Variants in DGKB observed in about 807,000 individuals in gnomAD.
The protein encoded by DGKB is diacylglycerol kinase beta, also known as 90 kDa diacylglycerol kinase.
Under a neutral mutation model 114.3 loss-of-function variants are expected in DGKB, and 67 were observed. The ratio of observed to expected loss-of-function variants is 0.59; its 90% confidence interval spans 0.48 to 0.72. The LOEUF (loss-of-function observed/expected upper bound fraction) is 0.72, where lower values mean the gene tolerates loss of function less well. DGKB is among the 30% of genes least tolerant of loss of function. The pLI is 0.00. For missense variants in DGKB, 907 were observed against 975.2 expected (o/e 0.93, Z 0.93); for synonymous variants, 398 against 323.1 (o/e 1.23, Z -2.49).
chr7:14,302,869 T>G lies in DGKB; in HGVS notation c.2122+35646A>C, dbSNP rs148177818. ...ATTTGCTGTAATGTAAGATCTATGATGGGAGGTATACTTTTGGTTTTTATT... is the reference window on the plus strand; with the variant it reads ...ATTTGCTGTAATGTAAGATCTATGAGGGGAGGTATACTTTTGGTTTTTATT... On this transcript the variant is annotated intron_variant, in intron 23 of 25. Transcript: ENST00000402815. Among the ~76,000 whole-genome samples the G allele has an allele frequency of 7.2e-5, 11 of 152,242 alleles. No individual in the cohort carries two copies. In the East Asian group the frequency reaches 1.9e-3, roughly 27 times the overall value.
chr7:14,412,877 A>G (rs1326911465), intron 21 of DGKB, among the ~76,000 whole-genome samples: 1 of 151,972 alleles, frequency 6.6e-6, no homozygotes, highest in Non-Finnish European at 1.5e-5. Context: ...GCTACTCAGG[A>G]GGCTGAGACA....
intron 21 of DGKB, among the ~76,000 whole-genome samples, chr7:14,354,917 G>A (rs976667454): frequency 6.6e-6 from 1 of 152,138 alleles, no homozygotes. Flanking sequence ...ATTCAATTAT[G>A]TTTCCCCATT....
chr7:14,571,590 G>A (rs1160314155), intron 20 of DGKB, among the ~76,000 whole-genome samples: 1 of 152,182 alleles, frequency 6.6e-6, no homozygotes, highest in Non-Finnish European at 1.5e-5. Flanking sequence ...GGATTTGCAA[G>A]GCTACACAAA....
In DGKB at chr7:14,760,251, T is replaced by C. The variant is rs766222686; in HGVS notation, c.71-2520A>G. Among the ~76,000 whole-genome samples the C allele has an allele frequency of 9.8e-5, 15 of 152,302 alleles. No individual in the cohort carries two copies. In the East Asian group the frequency reaches 1.2e-3, roughly 12 times the overall value. On this transcript the variant is annotated intron_variant, in intron 2 of 25. Transcript: ENST00000402815. ...TGATCAGAGTTAATTTTTTATGTCA[T>C]GTCCCTTGCTAGATTGGAGGTTGTT...
chr7:14,297,827 T>C lies in DGKB; in HGVS notation c.2122+40688A>G, dbSNP rs1802845024. Reference sequence around the variant, plus strand: ...AACCCCATCATCTCAGCCCCAAATCTCCTTAAGCTGAAAAACAACTTCAGC... The same window carrying C: ...AACCCCATCATCTCAGCCCCAAATCCCCTTAAGCTGAAAAACAACTTCAGC... On this transcript the variant is annotated intron_variant, in intron 23 of 25. Transcript: ENST00000402815. 2.0e-5 allele frequency among the ~76,000 whole-genome samples: 3 copies of C among 152,214 alleles called. No individual in the cohort carries two copies. In the South Asian group the frequency reaches 6.2e-4, roughly 32 times the overall value.
At chr7:14,565,134 CAGAGGTTTGCATCAA>C (rs1797204357) in intron 20 of DGKB, among the ~76,000 whole-genome samples, 1 of 152,102 alleles carries the variant, frequency 6.6e-6, no homozygotes, top group Admixed American at 6.6e-5. Context: ...TGGATGCAAA[CAGAGGTTTGCATCAA>C]GAGGTTTGCA....
At position 14,634,445 on chromosome 7, in the gene DGKB, G is replaced by T. The variant is rs551493075; in HGVS notation, c.1135-4177C>A. 1.8e-4 allele frequency among the ~76,000 whole-genome samples: 27 copies of T among 147,672 alleles called. No individual in the cohort carries two copies. The East Asian group carries it at 5.3e-3, about 29-fold the overall frequency. On this transcript the variant is annotated intron_variant, in intron 13 of 25. Transcript: ENST00000402815. The stretch of plus-strand genomic sequence containing the variant: ...TTATTTTAAAATATTGATGAAGAAT[G>T]AAAAATATTTAGAAATCACTATATC...
chr7:14,371,493 C>T (rs2128654358), intron 21 of DGKB, among the ~76,000 whole-genome samples: 1 of 152,064 alleles, frequency 6.6e-6, no homozygotes, highest in Admixed American at 6.6e-5. Flanking sequence ...TTGTTCATGT[C>T]TTTTGCTTGT....
chr7:14,520,189 T>G (rs1371711109), intron 20 of DGKB, among the ~76,000 whole-genome samples: 1 of 149,680 alleles, frequency 6.7e-6, no homozygotes. Flanking sequence ...ATTAGTATTA[T>G]TGACTTTTAT....
At chr7:14,575,932 G>C (rs1413564297) in intron 19 of DGKB, among the ~76,000 whole-genome samples, 2 of 152,096 alleles carry the variant, frequency 1.3e-5, no homozygotes, top group Non-Finnish European at 2.9e-5. Flanking sequence ...TACACTTAAG[G>C]TGTATCTGTT....
intron 23 of DGKB, among the ~76,000 whole-genome samples, chr7:14,247,009 A>T (rs906141301): frequency 1.3e-5 from 2 of 152,098 alleles, no homozygotes; most frequent in African/African-American, 4.8e-5. Flanking sequence ...GTCACTGGCA[A>T]TGATCTTTCT....
intron 1 of DGKB, among the ~76,000 whole-genome samples, chr7:14,872,979 A>T (rs2128200101): frequency 6.6e-6 from 1 of 152,200 alleles, no homozygotes; most frequent in African/African-American, 2.4e-5. Flanking sequence ...GATAATCATA[A>T]CACATTAAAA....
intron 20 of DGKB, among the ~76,000 whole-genome samples, chr7:14,552,266 C>T (rs1795209466): frequency 1.3e-5 from 2 of 152,194 alleles, no homozygotes; most frequent in Admixed American, 6.5e-5. Flanking sequence ...TCTATGTCAG[C>T]AATTAGACAA....
chr7:14,244,037 CAGAG>C (rs879539602), intron 23 of DGKB, among the ~76,000 whole-genome samples: 3 of 141,594 alleles, frequency 2.1e-5, no homozygotes, highest in African/African-American at 7.6e-5. Context: ...GAGAGAGAGA[CAGAG>C]AGAGAGAGAG....
chr7:14,219,138 G>A (rs1789505798), intron 23 of DGKB, among the ~76,000 whole-genome samples: 1 of 151,812 alleles, frequency 6.6e-6, no homozygotes, highest in South Asian at 2.1e-4. Flanking sequence ...TTATTTGTAT[G>A]AATATACCAT....
intron 4 of DGKB, among the ~76,000 whole-genome samples, chr7:14,743,831 T>A (rs1449613917): frequency 6.6e-6 from 1 of 152,166 alleles, no homozygotes; most frequent in East Asian, 1.9e-4. Context: ...TAAACAATTG[T>A]CTTCTTTTGA....
intron 21 of DGKB, among the ~76,000 whole-genome samples, chr7:14,391,511 G>GA (rs71033994): frequency 0.26 from 36,365 of 139,222 alleles, 5,655 homozygotes; most frequent in African/African-American, 0.45. Flanking sequence ...GTCTACAAAA[G>GA]AAAAAAAAAT....
intron 23 of DGKB, among the ~76,000 whole-genome samples, chr7:14,307,589 C>G (rs1477954450): frequency 6.6e-6 from 1 of 152,116 alleles, no homozygotes; most frequent in African/African-American, 2.4e-5. Context: ...AAATGCAGAT[C>G]TTTACCACAT....
chr7:14,627,955 A>C (rs1256217638), intron 14 of DGKB, among the ~76,000 whole-genome samples: 5 of 151,238 alleles, frequency 3.3e-5, no homozygotes, highest in African/African-American at 9.8e-5. Flanking sequence ...AAAAACAAAA[A>C]AAAAAAACAA....
Sources: allele counts gnomAD v4.1 joint callset (sites outside exome capture counted in the v4.1 genomes callset), GRCh38; gene constraint gnomAD v4.1.1; transcripts MANE v1.5; gene names NCBI Gene and HGNC (gene_info 2026-07-23, HGNC 2026-07-21).